The following PTH1R variants were observed in gnomAD, a reference collection of about 807,000 sequenced individuals.
The protein encoded by PTH1R is parathyroid hormone/parathyroid hormone-related peptide receptor.
A neutral mutation model predicts 70.7 loss-of-function variants in PTH1R; 32 were observed. The ratio of observed to expected loss-of-function variants is 0.45; its 90% CI spans 0.34 to 0.61. The LOEUF is 0.61. PTH1R is among the 20% of genes least tolerant of loss of function. PTH1R has a pLI of 0.01. For missense variants in PTH1R, 626 were observed against 792.5 expected (o/e 0.79, Z 2.52); for synonymous variants, 329 against 324.8 (o/e 1.01, Z -0.14).
chr3:46,897,814 T>C, intron 5 of PTH1R, 41 bp from the exon 6 acceptor site: 2 of 1,557,412 alleles, frequency 1.3e-6, no homozygotes, highest in Non-Finnish European at 8.8e-7. Context: ...TGGCCTTGAC[T>C]CTCCCTTGGT....
In PTH1R at chr3:46,884,078, G is replaced by A. The variant is rs1055464332; in HGVS notation, c.75+444G>A. Among the ~76,000 whole-genome samples the A allele has an allele frequency of 6.6e-6, 1 of 152,152 alleles. No individual in the cohort carries two copies. Among genetic ancestry groups the A allele is most frequent in the African/African-American group, 2.4e-5 (1 of 41,428 alleles). On this transcript the variant is annotated intron_variant, in intron 3 of 15. Coordinates refer to ENST00000449590, the MANE Select transcript of PTH1R (RefSeq NM_000316.3). This position sits in a 1 kb window ranked among gnomAD's most constrained non-coding sequence, Gnocchi z 4.8. ...TCTGAGGTCAGAATCATCCAGGCAG[G>A]GGGTAGGATTTAGGGGCCCCCTCCA... is the stretch of plus-strand genomic sequence containing the variant.
chr3:46,890,990 G>A (rs2031385098), intron 3 of PTH1R, among the ~76,000 whole-genome samples: 1 of 152,192 alleles, frequency 6.6e-6, no homozygotes, highest in Non-Finnish European at 1.5e-5. Flanking sequence ...TTCCAGGCAC[G>A]GAGCTGTGAG....
rs1287303225 is a variant in PTH1R at position 46,902,554 on chromosome 3, A to G, written c.1240A>G (p.Met414Val). Residue 414 changes from methionine to valine, a missense_variant, in exon 14 of 16, where the codon ATG (methionine) becomes GTG (valine). Transcript: ENST00000449590. This position sits in a 1 kb window ranked among gnomAD's most constrained non-coding sequence, Gnocchi z 5.4. The stretch of plus-strand genomic sequence containing the variant: ...GCTGCTCAAATCCACGCTGGTGCTC[A>G]TGCCCCTCTTTGGCGTCCACTACAT... ...RKLLKSTLVL[M>V]PLFGVHYIVF... 1.2e-6 allele frequency: 2 copies of G among 1,612,858 alleles called. No homozygotes were observed. Among genetic ancestry groups the G allele is most frequent in the Non-Finnish European group, 1.7e-6 (2 of 1,179,878 alleles).
At position 46,892,674 on chromosome 3, in the gene PTH1R, C is replaced by T. The variant is rs947162009; in HGVS notation, c.76-1233C>T. ...CTCTCGCCGGTGCCCGCCCCATGCC[C>T]GACCCGCCTTCTTCCTCCCCTGCCT... is the stretch of plus-strand genomic sequence containing the variant. On this transcript the variant is annotated intron_variant, in intron 3 of 15. Transcript: ENST00000449590. This position sits in a 1 kb window ranked among gnomAD's most constrained non-coding sequence, Gnocchi z 5.2. The T allele has an allele frequency of 1.0e-5, 10 of 962,232 alleles. No homozygotes were observed. The highest frequency in any genetic ancestry group is 4.4e-4 in the Middle Eastern group (1 of 2,270). The allele number at this position is 962,232 out of a possible 1,614,324, so 59.6% of individuals were successfully genotyped here. A position where few individuals can be genotyped will look rare whatever the true frequency, so the allele number is the denominator to read the frequency against.
rs1488690583 is a variant in PTH1R at position 46,884,907 on chromosome 3, A to G, written c.75+1273A>G. ...CTGAGGTCCTCAGCACTTCCCACTT[A>G]CCTGTGCCTACACCCTCACAATTCT... On this transcript the variant is annotated intron_variant, in intron 3 of 15. Transcript: ENST00000449590. This position sits in a 1 kb window ranked among gnomAD's most constrained non-coding sequence, Gnocchi z 4.8. Among the ~76,000 whole-genome samples, 2 of 152,026 alleles carry G rather than the reference A, an allele frequency of 1.3e-5. No individual in the cohort carries two copies. Among genetic ancestry groups the G allele is most frequent in the African/African-American group, 4.8e-5 (2 of 41,350 alleles).
In PTH1R at chr3:46,901,432, C is replaced by T. The variant is rs201022094; in HGVS notation, c.1068C>T (p.Ser356=). 1.3e-5 allele frequency: 21 copies of T among 1,575,816 alleles called. No individual in the cohort carries two copies. The highest frequency in any genetic ancestry group is 7.0e-5 in the East Asian group (3 of 42,962). The change falls in exon 12 of 16, where the codon TCC becomes TCT. Residue 356 remains serine, a synonymous_variant. Coordinates refer to ENST00000449590, the MANE Select transcript of PTH1R (RefSeq NM_000316.3). The surrounding 1 kb of genome is among the most constrained non-coding windows in gnomAD (Gnocchi z 7.3). ...LANTGCWDLS[S]GNKKWIIQVP... ...CCCCCAGGTGCTGGGACTTGAGCTC[C>T]GGGAACAAAAAGTGGATCATCCAGG...
rs121434603 is a variant in PTH1R at position 46,903,327 on chromosome 3, C to T, written c.1453C>T (p.Arg485Ter). The T allele has an allele frequency of 6.2e-7, 1 of 1,613,650 alleles. No individual in the cohort carries two copies. Among genetic ancestry groups the T allele is most frequent in the Non-Finnish European group, 8.5e-7 (1 of 1,180,018 alleles). ...CTGGACACTGGCACTGGACTTCAAGCGAAAGGCACGCAGCGGGAGCAGCAG... is the reference window on the plus strand; with the variant it reads ...CTGGACACTGGCACTGGACTTCAAGTGAAAGGCACGCAGCGGGAGCAGCAG... ...SRWTLALDFK[R>*]KARSGSSSYS... The change falls in exon 16 of 16, where the codon CGA becomes TGA. Residue 485 changes from arginine (R) to a stop codon, truncating the protein, a stop_gained. Coordinates refer to ENST00000449590, the MANE Select transcript of PTH1R (RefSeq NM_000316.3). LOFTEE classifies it high-confidence loss of function. The surrounding 1 kb of genome is among the most constrained non-coding windows in gnomAD (Gnocchi z 4.4).
rs1427455999 is a variant in PTH1R at position 46,902,509 on chromosome 3, C to T, written c.1212-17C>T. 6.2e-7 allele frequency: 1 copy of T among 1,608,926 alleles called. No homozygotes were observed. ...GGGAAGTGGCTTGGCCCTGACCTAC[C>T]TGCCCCGCTGGCCCAGGAAGCTGCT... On this transcript the variant is annotated splice_polypyrimidine_tract_variant and intron_variant, in intron 13 of 15. Transcript: ENST00000449590. The surrounding 1 kb of genome is among the most constrained non-coding windows in gnomAD (Gnocchi z 5.4).
chr3:46,895,509 C>T (rs772646550), intron 4 of PTH1R, among the ~76,000 whole-genome samples: 2 of 152,166 alleles, frequency 1.3e-5, no homozygotes, highest in Non-Finnish European at 2.9e-5. Flanking sequence ...CCATTCCAAC[C>T]CTGGGGGACA....
At chr3:46,894,180 G>C (rs2031601011) in intron 4 of PTH1R, among the ~76,000 whole-genome samples, 171 bp downstream of exon 4, 1 of 152,182 alleles carries the variant, frequency 6.6e-6, no homozygotes, top group Non-Finnish European at 1.5e-5. Context: ...CAAGAGTGGA[G>C]TCAGCAGGCT....
chr3:46,894,089 G>A, intron 4 of PTH1R, 80 bp downstream of exon 4: 1 of 1,442,508 alleles, frequency 6.9e-7, no homozygotes. Context: ...AGGATACAGA[G>A]CCAGGTGAAG....
At chr3:46,881,831 C>G (rs1023061052) in intron 2 of PTH1R, among the ~76,000 whole-genome samples, 1 of 152,170 alleles carries the variant, frequency 6.6e-6, no homozygotes, top group Non-Finnish European at 1.5e-5. Flanking sequence ...AGTGGACTGA[C>G]AGCGTCGCGG....
Position 46,892,876 on chromosome 3 carries a change from G to C in PTH1R, c.76-1031G>C. Reference sequence around the variant, plus strand: ...CCTGCCCAGGGGTCTGAGGAAACACGACCCTGAATTAAGAGGGATGGGGCT... The same window carrying C: ...CCTGCCCAGGGGTCTGAGGAAACACCACCCTGAATTAAGAGGGATGGGGCT... On this transcript the variant is annotated intron_variant, in intron 3 of 15. Transcript: ENST00000449590. This position sits in a 1 kb window ranked among gnomAD's most constrained non-coding sequence, Gnocchi z 5.2. 1.1e-6 allele frequency: 1 copy of C among 902,918 alleles called. No individual in the cohort carries two copies. Among genetic ancestry groups the C allele is most frequent in the Non-Finnish European group, 1.3e-6 (1 of 754,258 alleles). 55.9% of individuals were successfully genotyped at this position (902,918 alleles called of 1,614,324 possible).
chr3:46,901,707 A>G lies in PTH1R; in HGVS notation c.1117-59A>G. On this transcript the variant is annotated intron_variant, in intron 12 of 15. Coordinates refer to ENST00000449590, the MANE Select transcript of PTH1R (RefSeq NM_000316.3). The surrounding 1 kb of genome is among the most constrained non-coding windows in gnomAD (Gnocchi z 7.3). ...AGCAGAGCCTATGGCCGTGGCTGCC[A>G]GGCCTTGCCCCGCCCCACTAGGGTG... The G allele has an allele frequency of 6.5e-7, 1 of 1,545,202 alleles. No individual in the cohort carries two copies. The highest frequency in any genetic ancestry group is 8.9e-7 in the Non-Finnish European group (1 of 1,118,002).
At position 46,891,294 on chromosome 3, in the gene PTH1R, G is replaced by A. The variant is rs1393948545; in HGVS notation, c.76-2613G>A. Among the ~76,000 whole-genome samples, 1 of 152,208 alleles carries A rather than the reference G, an allele frequency of 6.6e-6. No homozygotes were observed. Among genetic ancestry groups the A allele is most frequent in the Non-Finnish European group, 1.5e-5 (1 of 68,032 alleles). On this transcript the variant is annotated intron_variant, in intron 3 of 15. Transcript: ENST00000449590. This position sits in a 1 kb window ranked among gnomAD's most constrained non-coding sequence, Gnocchi z 4.3. ...GAGAAGGTGAAGCCAACAGCTGGAG[G>A]TAGAGGCTGAGCCAATTCCTTGAGC...
chr3:46,879,579 C>CA lies in PTH1R; in HGVS notation c.-105-1473dup, dbSNP rs919840098. Among the ~76,000 whole-genome samples the CA allele has an allele frequency of 2.5e-4, 37 of 149,990 alleles. No homozygotes were observed. The highest frequency in any genetic ancestry group is 2.4e-4 in the Non-Finnish European group (16 of 67,388). Reference sequence around the variant, plus strand: ...GCAACAAAGTGAGACCTCGTCTCTACAAAAAAAAAATTTTTTAATTACCCA... The same window carrying CA: ...GCAACAAAGTGAGACCTCGTCTCTACAAAAAAAAAAATTTTTTAATTACCCA... On this transcript the variant is annotated intron_variant, in intron 1 of 15. Coordinates refer to ENST00000449590, the MANE Select transcript of PTH1R (RefSeq NM_000316.3). This position sits in a 1 kb window ranked among gnomAD's most constrained non-coding sequence, Gnocchi z 4.7.
At chr3:46,890,897 G>A (rs944884217) in intron 3 of PTH1R, among the ~76,000 whole-genome samples, 1 of 152,172 alleles carries the variant, frequency 6.6e-6, no homozygotes, top group African/African-American at 2.4e-5. Context: ...GGTGGAGGTG[G>A]GATTCACATT....
rs773342944 is a variant in PTH1R, at chr3:46,895,822, C to G, written c.266C>G (p.Pro89Arg). The G allele has an allele frequency of 7.4e-6, 12 of 1,613,914 alleles. No individual in the cohort carries two copies. The highest frequency in any genetic ancestry group is 1.7e-4 in the Middle Eastern group (1 of 5,974). Residue 89 changes from proline to arginine, a missense_variant, in exon 5 of 16, where the codon CCT (proline) becomes CGT (arginine). By Grantham distance (103) the Pro-to-Arg change is moderately radical. This residue lies in a region of PTH1R where 123 missense variants were observed against 125.7 expected (regional missense o/e 0.98). Coordinates refer to ENST00000449590, the MANE Select transcript of PTH1R (RefSeq NM_000316.3). ...RKDKASGKLY[P>R]ESEEDKEAPT... ...GATAAGGCATCTGGGAAGCTCTACC[C>G]TGAGTCTGAGGAGGACAAGGAGGCA...
chr3:46,894,080 G>A, intron 4 of PTH1R, 71 bp downstream of exon 4: 1 of 1,499,598 alleles, frequency 6.7e-7, no homozygotes, highest in Non-Finnish European at 9.2e-7. Flanking sequence ...GCGGGACCCA[G>A]GATACAGAGC....
Sources: gnomAD v4.1 joint callset for allele counts (sites outside exome capture counted in the v4.1 genomes callset) on GRCh38, gnomAD v4.1.1 for gene constraint, gnomAD v4.1.1 regional missense constraint, Gnocchi (gnomAD v3.1) non-coding constraint, MANE v1.5 for transcripts, NCBI Gene and HGNC (gene_info 2026-07-23, HGNC 2026-07-21) for gene names.